Variants in STAMBPL1 observed in about 807,000 individuals in gnomAD.
STAMBPL1 encodes STAM binding protein like 1.
A neutral mutation model predicts 52.9 loss-of-function variants in STAMBPL1; 44 were observed. That is an observed-to-expected ratio of 0.83 (90% CI 0.65 to 1.07). The LOEUF (loss-of-function observed/expected upper bound fraction) is 1.07, where lower values mean the gene tolerates loss of function less well. STAMBPL1 is among the 50% of genes least tolerant of loss of function. The probability of loss-of-function intolerance (pLI) is 0.00; values close to 1 mark genes in which losing one functional copy is unlikely to be tolerated. For missense variants in STAMBPL1, 511 were observed against 520.8 expected, an observed-to-expected ratio of 0.98 and a Z score of 0.18; for synonymous variants, 164 against 177.3, an observed-to-expected ratio of 0.92 and a Z score of 0.60.
chr10:88,901,747 C>T lies in STAMBPL1; in HGVS notation c.30+9C>T, dbSNP rs1257255248. ...TTACTGTGAATTCTCTGGTAGGTCACACCAGCTGATATCTAACATTTGGTT... is the reference window on the plus strand; with the variant it reads ...TTACTGTGAATTCTCTGGTAGGTCATACCAGCTGATATCTAACATTTGGTT... On this transcript the variant is annotated intron_variant, in intron 2 of 10. Transcript: ENST00000371926. The T allele has an allele frequency of 3.1e-6, 5 of 1,610,988 alleles. No individual in the cohort carries two copies. The South Asian group carries it at 5.5e-5, about 18-fold the overall frequency.
intron 7 of STAMBPL1, among the ~76,000 whole-genome samples, chr10:88,915,629 C>A (rs573060662): frequency 1.3e-5 from 2 of 152,182 alleles, no homozygotes; most frequent in African/African-American, 4.8e-5. Flanking sequence ...AGGCACTGTG[C>A]TGGTTATTAG....
intron 3 of STAMBPL1, 108 bp downstream of exon 3, chr10:88,905,768 G>A (rs1564628135): frequency 1.2e-6 from 1 of 831,744 alleles, no homozygotes; most frequent in Non-Finnish European, 1.9e-6. Flanking sequence ...CAGACCAATT[G>A]CACAGTCTCT....
chr10:88,911,860 G>C (rs1197746725), intron 5 of STAMBPL1, among the ~76,000 whole-genome samples: 1 of 152,170 alleles, frequency 6.6e-6, no homozygotes, highest in East Asian at 1.9e-4. Flanking sequence ...CTTGAAATAT[G>C]AAAGATAGAA....
chr10:88,912,626 G>C (rs1845255334), intron 5 of STAMBPL1: 1 of 157,096 alleles, frequency 6.4e-6, no homozygotes, highest in Non-Finnish European at 1.4e-5. Context: ...GTATCCACTA[G>C]CCACATGTGG....
chr10:88,915,831 T>A (rs778775872), intron 7 of STAMBPL1, among the ~76,000 whole-genome samples: 1 of 152,124 alleles, frequency 6.6e-6, no homozygotes, highest in Non-Finnish European at 1.5e-5. Context: ...AAGTGATGTT[T>A]GAGCTAGGCC....
chr10:88,890,011 A>T (rs1268095890), intron 1 of STAMBPL1, among the ~76,000 whole-genome samples: 1 of 152,200 alleles, frequency 6.6e-6, no homozygotes, highest in African/African-American at 2.4e-5. Flanking sequence ...TGAGTATGTA[A>T]TCAAGAGAGT....
intron 1 of STAMBPL1, among the ~76,000 whole-genome samples, chr10:88,894,347 T>C (rs1844760193): frequency 6.6e-6 from 1 of 151,528 alleles, no homozygotes; most frequent in African/African-American, 2.4e-5. Flanking sequence ...ATTCTGCTAA[T>C]GGTACCTATT....
chr10:88,921,757 T>C (rs1439948836), intron 9 of STAMBPL1, among the ~76,000 whole-genome samples: 1 of 152,146 alleles, frequency 6.6e-6, no homozygotes. Context: ...ACAATGATTA[T>C]TGTAGAGTAG....
At chr10:88,909,881 G>A (rs1479269553) in intron 4 of STAMBPL1, among the ~76,000 whole-genome samples, 2 of 152,144 alleles carry the variant, frequency 1.3e-5, no homozygotes, top group African/African-American at 4.8e-5. Context: ...GATTACAGGT[G>A]TGAGCCACCG....
chr10:88,899,786 A>G (rs1222156845), intron 1 of STAMBPL1, among the ~76,000 whole-genome samples: 2 of 152,234 alleles, frequency 1.3e-5, no homozygotes, highest in African/African-American at 4.8e-5. Flanking sequence ...CTGGGATTAC[A>G]GGCGTGAATC....
At chr10:88,905,008 T>C (rs1445403246) in intron 2 of STAMBPL1, among the ~76,000 whole-genome samples, 1 of 152,086 alleles carries the variant, frequency 6.6e-6, no homozygotes, top group East Asian at 1.9e-4. Flanking sequence ...TTATAGTAAC[T>C]TGAATCCAAG....
At chr10:88,908,635 C>T (rs1845137044) in intron 3 of STAMBPL1, 67 bp from the exon 4 acceptor site, 5 of 1,314,164 alleles carry the variant, frequency 3.8e-6, no homozygotes, top group Middle Eastern at 1.8e-4. Context: ...TCCTCATTCC[C>T]TTATTAGAAA....
intron 1 of STAMBPL1, among the ~76,000 whole-genome samples, chr10:88,886,267 G>A (rs1181956632): frequency 6.6e-6 from 1 of 152,094 alleles, no homozygotes; most frequent in Admixed American, 6.5e-5. Context: ...GTGCTGTGAG[G>A]GCAAGCCCCC....
intron 10 of STAMBPL1, 34 bp downstream of exon 10, chr10:88,922,470 T>C: frequency 6.2e-7 from 1 of 1,601,612 alleles, no homozygotes; most frequent in South Asian, 1.1e-5. Flanking sequence ...TTTCCAGGTA[T>C]TTCTTGTTCA....
chr10:88,915,065 A>T (rs1423834117), intron 7 of STAMBPL1, among the ~76,000 whole-genome samples: 1 of 152,172 alleles, frequency 6.6e-6, no homozygotes, highest in African/African-American at 2.4e-5. Context: ...TCTTTTTCAG[A>T]TACACGTGGA....
intron 1 of STAMBPL1, among the ~76,000 whole-genome samples, chr10:88,886,138 A>C (rs1347361685): frequency 6.6e-6 from 1 of 152,230 alleles, no homozygotes; most frequent in Non-Finnish European, 1.5e-5. Flanking sequence ...TTAATAAAGA[A>C]CTTAATAAAA....
At chr10:88,896,853 T>TGCACGCAC (rs60418672) in intron 1 of STAMBPL1, among the ~76,000 whole-genome samples, 1 of 151,026 alleles carries the variant, frequency 6.6e-6, no homozygotes, top group African/African-American at 2.4e-5. Context: ...CACACATACA[T>TGCACGCAC]GCACGCACGC....
chr10:88,908,909 T>C (rs1845146973), intron 4 of STAMBPL1, 132 bp downstream of exon 4: 4 of 701,226 alleles, frequency 5.7e-6, no homozygotes, highest in Non-Finnish European at 9.0e-6. Flanking sequence ...CCATTAACTA[T>C]GATGTTTCGA....
chr10:88,896,668 G>A (rs1728133514), intron 1 of STAMBPL1, among the ~76,000 whole-genome samples: 1 of 152,140 alleles, frequency 6.6e-6, no homozygotes, highest in African/African-American at 2.4e-5. Context: ...CAAAAGAAGT[G>A]CCTGGGAGAA....
Sources: gnomAD v4.1 joint callset for allele counts (sites outside exome capture counted in the v4.1 genomes callset) on GRCh38, gnomAD v4.1.1 for gene constraint, MANE v1.5 for transcripts, NCBI Gene and HGNC (gene_info 2026-07-23, HGNC 2026-07-21) for gene names.